The following RABGAP1L variants were observed in gnomAD, a reference collection of about 807,000 sequenced individuals.
RABGAP1L encodes RAB GTPase activating protein 1 like.
A neutral mutation model predicts 137.7 loss-of-function variants in RABGAP1L; 63 were observed. That is an observed-to-expected ratio of 0.46 (90% CI 0.37 to 0.56). The LOEUF is 0.56. RABGAP1L is among the 20% of genes least tolerant of loss of function. The pLI is 0.00. For missense variants in RABGAP1L, 1,095 were observed against 1,244.0 expected, an observed-to-expected ratio of 0.88 and a Z score of 1.80; for synonymous variants, 431 against 433.7, an observed-to-expected ratio of 0.99 and a Z score of 0.08.
At chr1:174,444,781 G>T (rs1201480944) in intron 13 of RABGAP1L, among the ~76,000 whole-genome samples, 2 of 151,954 alleles carry the variant, frequency 1.3e-5, no homozygotes, top group Non-Finnish European at 2.9e-5. Context: ...GGAGTCAATT[G>T]TAATGTCTTT....
intron 15 of RABGAP1L, among the ~76,000 whole-genome samples, chr1:174,690,094 A>G (rs1275723860): frequency 1.3e-5 from 2 of 152,142 alleles, no homozygotes; most frequent in Non-Finnish European, 2.9e-5. Flanking sequence ...CATTTTACCT[A>G]TTTAAAAAAT....
chr1:174,317,674 C>T (rs751015535), intron 11 of RABGAP1L, among the ~76,000 whole-genome samples: 3 of 152,212 alleles, frequency 2.0e-5, no homozygotes, highest in African/African-American at 7.2e-5. Context: ...ATGTTTCCCC[C>T]CAGTCCACTG....
chr1:174,637,275 T>G (rs1417828575), intron 13 of RABGAP1L, 100 bp from the exon 14 acceptor site: 1 of 782,502 alleles, frequency 1.3e-6, no homozygotes, highest in African/African-American at 1.8e-5. Context: ...TTTTCTGTTG[T>G]TTACTTTTCT....
At chr1:174,607,938 T>C (rs1670907233) in intron 13 of RABGAP1L, among the ~76,000 whole-genome samples, 1 of 152,208 alleles carries the variant, frequency 6.6e-6, no homozygotes, top group African/African-American at 2.4e-5. Flanking sequence ...CAAGCAACCC[T>C]TACGAAAGTG....
intron 13 of RABGAP1L, among the ~76,000 whole-genome samples, chr1:174,432,381 A>G (rs898755165): frequency 2.6e-5 from 4 of 152,264 alleles, no homozygotes; most frequent in Middle Eastern, 3.4e-3. Flanking sequence ...TTAAAAATCA[A>G]TTTTAAAAAG....
intron 13 of RABGAP1L, among the ~76,000 whole-genome samples, chr1:174,498,292 C>T (rs987303206): frequency 1.5e-4 from 23 of 152,050 alleles, no homozygotes; most frequent in African/African-American, 4.8e-4. Context: ...ATTAACCATA[C>T]GTGATTATGT....
intron 13 of RABGAP1L, among the ~76,000 whole-genome samples, chr1:174,622,435 C>A (rs1024492415): frequency 1.3e-5 from 2 of 152,124 alleles, no homozygotes; most frequent in Non-Finnish European, 2.9e-5. Context: ...TTCACAATAG[C>A]AAAGACTTGG....
At chr1:174,877,982 A>G (rs1367766513) in intron 19 of RABGAP1L, among the ~76,000 whole-genome samples, 2 of 152,228 alleles carry the variant, frequency 1.3e-5, no homozygotes, top group Non-Finnish European at 2.9e-5. Context: ...TGAGCTACCT[A>G]AACATCAGGT....
intron 13 of RABGAP1L, among the ~76,000 whole-genome samples, chr1:174,504,993 T>C (rs1003680791): frequency 6.6e-6 from 1 of 152,064 alleles, no homozygotes; most frequent in Admixed American, 6.5e-5. Flanking sequence ...ATATCCAAAA[T>C]ATATAAGGAA....
At chr1:174,353,131 T>C (rs1483302909) in intron 11 of RABGAP1L, among the ~76,000 whole-genome samples, 1 of 152,224 alleles carries the variant, frequency 6.6e-6, no homozygotes, top group Non-Finnish European at 1.5e-5. Flanking sequence ...CAGCAGGTGA[T>C]GAATCCTACC....
At chr1:174,674,331 T>C (rs1553231312) in intron 14 of RABGAP1L, among the ~76,000 whole-genome samples, 1 of 147,288 alleles carries the variant, frequency 6.8e-6, no homozygotes, top group Non-Finnish European at 1.5e-5. Context: ...GAGTGGAACA[T>C]GTGGTGTTTG....
chr1:174,301,907 C>T (rs1302064299), intron 10 of RABGAP1L, among the ~76,000 whole-genome samples: 1 of 152,208 alleles, frequency 6.6e-6, no homozygotes, highest in Non-Finnish European at 1.5e-5. Flanking sequence ...GACAGATTCT[C>T]AGTCCGGTTG....
At chr1:174,642,404 G>T (rs898087109) in intron 14 of RABGAP1L, among the ~76,000 whole-genome samples, 15 of 152,066 alleles carry the variant, frequency 9.9e-5, no homozygotes, top group African/African-American at 3.6e-4. Context: ...GCATAATTTT[G>T]GAGAATGCAA....
At chr1:174,654,014 T>G (rs2505261) in intron 14 of RABGAP1L, among the ~76,000 whole-genome samples, 151,046 of 152,318 alleles carry the variant, frequency 0.99, 74,897 homozygotes, top group East Asian at 1. Flanking sequence ...GCTGGGAGAG[T>G]CTCGGAGAGC....
At chr1:174,548,496 C>G in intron 13 of RABGAP1L, 1 of 948,492 alleles carries the variant, frequency 1.1e-6, no homozygotes, top group Non-Finnish European at 1.3e-6. Flanking sequence ...ACCTGATTTT[C>G]TCATGGCAGT....
intron 19 of RABGAP1L, among the ~76,000 whole-genome samples, chr1:174,820,080 C>G (rs1475416133): frequency 1.3e-5 from 2 of 151,970 alleles, no homozygotes; most frequent in Non-Finnish European, 2.9e-5. Context: ...TGGAAAAACT[C>G]AAAAGAACAG....
intron 19 of RABGAP1L, among the ~76,000 whole-genome samples, chr1:174,946,121 T>C (rs778532951): frequency 4.6e-5 from 7 of 152,142 alleles, no homozygotes; most frequent in Non-Finnish European, 7.3e-5. Context: ...TCCTACGTTA[T>C]GCCTGGTAAT....
chr1:174,260,556 G>C (rs1297751610), intron 7 of RABGAP1L, among the ~76,000 whole-genome samples: 1 of 152,184 alleles, frequency 6.6e-6, no homozygotes, highest in Non-Finnish European at 1.5e-5. Context: ...CTCCAGCTGA[G>C]ATGTTAAAGT....
intron 13 of RABGAP1L, among the ~76,000 whole-genome samples, chr1:174,428,807 T>C (rs958169195): frequency 5.3e-5 from 8 of 152,194 alleles, no homozygotes; most frequent in Non-Finnish European, 8.8e-5. Flanking sequence ...GATATACAAT[T>C]AAATGCAAAC....
Sources: gnomAD v4.1 joint callset for allele counts (sites outside exome capture counted in the v4.1 genomes callset) on GRCh38, gnomAD v4.1.1 for gene constraint, MANE v1.5 for transcripts, NCBI Gene and HGNC (gene_info 2026-07-23, HGNC 2026-07-21) for gene names.